Variants in SGK3 observed in about 807,000 individuals in gnomAD.
SGK3 encodes serine/threonine-protein kinase Sgk3.
Under a neutral mutation model 68.5 loss-of-function variants are expected in SGK3, and 47 were observed. The ratio of observed to expected loss-of-function variants is 0.69; its 90% CI spans 0.54 to 0.87. The LOEUF (loss-of-function observed/expected upper bound fraction) is 0.87, where lower values mean the gene tolerates loss of function less well. Ranked by LOEUF, SGK3 falls within the 40% of genes least tolerant of loss-of-function variation. The probability of loss-of-function intolerance (pLI) is 0.00; values close to 1 mark genes in which losing one functional copy is unlikely to be tolerated. For missense variants in SGK3, 479 were observed against 575.5 expected (o/e 0.83, Z 1.72); for synonymous variants, 181 against 189.1 (o/e 0.96, Z 0.35).
chr8:66,842,006 A>G (rs570614621), intron 13 of SGK3, among the ~76,000 whole-genome samples: 2 of 152,274 alleles, frequency 1.3e-5, no homozygotes, highest in South Asian at 4.1e-4. Flanking sequence ...GTGTGAGAGA[A>G]TGGCTTCTAA....
At chr8:66,761,496 C>T (rs1299110899) in intron 1 of SGK3, among the ~76,000 whole-genome samples, 1 of 152,124 alleles carries the variant, frequency 6.6e-6, no homozygotes, top group African/African-American at 2.4e-5. Flanking sequence ...ATAGTTTGGG[C>T]TGGGCATGGT....
At chr8:66,840,296 C>A in intron 12 of SGK3, 49 bp downstream of exon 12, 1 of 1,502,280 alleles carries the variant, frequency 6.7e-7, no homozygotes, top group Non-Finnish European at 8.9e-7. Flanking sequence ...TTTGTTGTTG[C>A]TTTTATGCTT....
At chr8:66,750,511 T>A (rs901107872) in intron 1 of SGK3, among the ~76,000 whole-genome samples, 2 of 151,904 alleles carry the variant, frequency 1.3e-5, no homozygotes, top group African/African-American at 4.8e-5. Flanking sequence ...TGATGAGGAT[T>A]GGTTCGTATT....
Position 66,841,092 on chromosome 8 carries a change from A to G in SGK3, c.960A>G (p.Thr320=), listed in dbSNP as rs1429979502. Residue 320 remains threonine, a synonymous_variant, in exon 13 of 17, where the codon ACA becomes ACG. Transcript: ENST00000521198. Reference sequence around the variant, plus strand: ...TTGCTATTTCTGACACCACTACCACATTTTGTGGGACACCAGAGGTAAGAA... The same window carrying G: ...TTGCTATTTCTGACACCACTACCACGTTTTGTGGGACACCAGAGGTAAGAA... ...EGIAISDTTT[T]FCGTPEYLAP... 1 of 1,591,230 alleles carries G rather than the reference A, an allele frequency of 6.3e-7. No homozygotes were observed. The highest frequency in any genetic ancestry group is 1.2e-5 in the South Asian group (1 of 86,824).
intron 1 of SGK3, among the ~76,000 whole-genome samples, chr8:66,756,696 C>T (rs1239884931): frequency 6.7e-6 from 1 of 148,686 alleles, no homozygotes; most frequent in African/African-American, 2.5e-5. Context: ...TCTCCTGTCT[C>T]AGCCCCCCAA....
intron 16 of SGK3, among the ~76,000 whole-genome samples, chr8:66,857,799 A>ATGTGTGTGTGTGTG (rs111758415): frequency 3.1e-4 from 42 of 133,822 alleles, no homozygotes; most frequent in African/African-American, 7.7e-4. Flanking sequence ...GTGTGTGTGT[A>ATGTGTGTGTGTGTG]TGTGTGTGTG....
At chr8:66,858,212 T>C (rs991240344) in intron 16 of SGK3, among the ~76,000 whole-genome samples, 14 of 152,100 alleles carry the variant, frequency 9.2e-5, no homozygotes, top group Non-Finnish European at 1.8e-4. Flanking sequence ...ACGCCTGTAA[T>C]TCCAGCACTT....
At chr8:66,751,631 C>T (rs1337289430) in intron 1 of SGK3, among the ~76,000 whole-genome samples, 2 of 151,960 alleles carry the variant, frequency 1.3e-5, no homozygotes, top group Admixed American at 6.6e-5. Flanking sequence ...ACATGGATTT[C>T]TTGAATCTAT....
intron 1 of SGK3, among the ~76,000 whole-genome samples, chr8:66,762,249 G>C (rs997897078): frequency 1.3e-5 from 2 of 152,230 alleles, no homozygotes; most frequent in East Asian, 3.9e-4. Flanking sequence ...GATTACAGAC[G>C]TGAGCCACCG....
At chr8:66,817,117 G>C (rs570416834) in intron 5 of SGK3, among the ~76,000 whole-genome samples, 1 of 152,020 alleles carries the variant, frequency 6.6e-6, no homozygotes, top group Non-Finnish European at 1.5e-5. Context: ...ACCGTGCCCA[G>C]CAGGAAATGT....
chr8:66,770,734 C>G (rs1174628104), intron 1 of SGK3, among the ~76,000 whole-genome samples: 1 of 152,184 alleles, frequency 6.6e-6, no homozygotes, highest in Non-Finnish European at 1.5e-5. Context: ...CATGCATGCA[C>G]TGATCTGCGT....
At position 66,813,870 on chromosome 8, in the gene SGK3, C is replaced by T. The variant is rs756034666; in HGVS notation, c.271C>T (p.Arg91Ter). Residue 91 changes from arginine to a stop codon, truncating the protein, a stop_gained, in exon 5 of 17, where the codon CGA (arginine) becomes TGA (stop). Transcript: ENST00000521198. LOFTEE classifies it high-confidence loss of function. ...NFDPDFIKQRRAGLNEFIQNL... is the reference protein window; with the variant it reads ...NFDPDFIKQR The stretch of plus-strand genomic sequence containing the variant: ...TCTTCCAGATTTTATTAAACAAAGA[C>T]GAGCAGGACTAAACGAATTCATTCA... 7 of 1,571,390 alleles carry T rather than the reference C, an allele frequency of 4.5e-6. No individual in the cohort carries two copies. Among genetic ancestry groups the T allele is most frequent in the Non-Finnish European group, 6.0e-6 (7 of 1,160,262 alleles).
At chr8:66,779,335 T>G (rs1314847113) in intron 1 of SGK3, among the ~76,000 whole-genome samples, 1 of 152,020 alleles carries the variant, frequency 6.6e-6, no homozygotes, top group Non-Finnish European at 1.5e-5. Flanking sequence ...TGACTCGAGC[T>G]TGTGTAAATG....
intron 1 of SGK3, among the ~76,000 whole-genome samples, chr8:66,766,422 C>G (rs956861434): frequency 6.6e-6 from 1 of 152,058 alleles, no homozygotes; most frequent in African/African-American, 2.4e-5. Context: ...ACTCGAGAGG[C>G]TGAAGCTGGA....
chr8:66,751,835 G>A (rs553194611), intron 1 of SGK3, among the ~76,000 whole-genome samples: 5 of 151,750 alleles, frequency 3.3e-5, no homozygotes, highest in African/African-American at 4.8e-5. Flanking sequence ...GCGCGATCTC[G>A]GCTCACCGCA....
At chr8:66,777,110 T>G (rs1390320647) in intron 1 of SGK3, among the ~76,000 whole-genome samples, 1 of 152,190 alleles carries the variant, frequency 6.6e-6, no homozygotes, top group African/African-American at 2.4e-5. Flanking sequence ...TCAAAAGCAT[T>G]GTGGAGTGAA....
chr8:66,796,931 A>G (rs946229079), intron 2 of SGK3, among the ~76,000 whole-genome samples: 1 of 149,964 alleles, frequency 6.7e-6, no homozygotes, highest in East Asian at 1.9e-4. Flanking sequence ...TTCACAGGAA[A>G]TCTAATCTTG....
chr8:66,759,999 C>T (rs1289677262), intron 1 of SGK3, among the ~76,000 whole-genome samples: 5 of 152,108 alleles, frequency 3.3e-5, no homozygotes, highest in South Asian at 2.1e-4. Flanking sequence ...CTACTACAAC[C>T]GCTTACATTT....
intron 2 of SGK3, among the ~76,000 whole-genome samples, chr8:66,795,651 C>G (rs747015286): frequency 4.6e-5 from 7 of 152,064 alleles, no homozygotes; most frequent in Non-Finnish European, 7.4e-5. Flanking sequence ...GTGGGATGGT[C>G]GAGGAGACCT....
Sources: allele counts gnomAD v4.1 joint callset (sites outside exome capture counted in the v4.1 genomes callset), GRCh38; gene constraint gnomAD v4.1.1; transcripts MANE v1.5; gene names NCBI Gene and HGNC (gene_info 2026-07-23, HGNC 2026-07-21).